NALCN: variants seen among roughly 807,000 people sequenced by gnomAD.
NALCN encodes the protein sodium leak channel, non-selective.
A neutral mutation model predicts 225.3 loss-of-function variants in NALCN; 111 were observed. That is an observed-to-expected ratio of 0.49 (90% CI 0.42 to 0.58). NALCN has a LOEUF of 0.58. NALCN is among the 20% of genes least tolerant of loss of function. The pLI, the probability that NALCN is intolerant of heterozygous loss-of-function variation, is 0.00. For synonymous variants in NALCN, 764 were observed against 769.0 expected, an observed-to-expected ratio of 0.99 and a Z score of 0.11; for missense variants, 1,378 against 2,202.4, an observed-to-expected ratio of 0.63 and a Z score of 7.49.
At chr13:101,063,191 C>A (rs1217464885) in intron 40 of NALCN, among the ~76,000 whole-genome samples, 1 of 152,218 alleles carries the variant, frequency 6.6e-6, no homozygotes, top group Non-Finnish European at 1.5e-5. Context: ...CTTCTGTGAG[C>A]TCAGTTCCAT....
chr13:101,086,838 T>C (rs912122061), intron 30 of NALCN, among the ~76,000 whole-genome samples: 3 of 152,170 alleles, frequency 2.0e-5, no homozygotes, highest in Non-Finnish European at 4.4e-5. Flanking sequence ...TAGTACATCA[T>C]TTATTCCCAA....
intron 30 of NALCN, among the ~76,000 whole-genome samples, chr13:101,087,407 T>C (rs1363445154): frequency 6.6e-6 from 1 of 151,774 alleles, no homozygotes; most frequent in Non-Finnish European, 1.5e-5. Context: ...ACCTAGTAGA[T>C]GCTCAAATAC....
rs1000276057 is a variant in NALCN at position 101,311,082 on chromosome 13, C to T, written c.800-18716G>A. Among the ~76,000 whole-genome samples the T allele has an allele frequency of 9.9e-5, 15 of 151,440 alleles. No individual in the cohort carries two copies. The East Asian group carries it at 1.4e-3, about 14-fold the overall frequency. ...CCTTGAAGAGGTCCTTCACATCCCT[C>T]GTAAGTTGGATTGCTAGGTATTTTA... On this transcript the variant is annotated intron_variant, in intron 7 of 43. Transcript: ENST00000251127.
At chr13:101,062,196 G>C in intron 40 of NALCN, 78 bp from the exon 41 acceptor site, 1 of 1,510,972 alleles carries the variant, frequency 6.6e-7, no homozygotes, top group Non-Finnish European at 9.0e-7. Flanking sequence ...AAAATCCAGA[G>C]AGGACATCAC....
chr13:101,275,092 C>T (rs1032915310), intron 10 of NALCN, among the ~76,000 whole-genome samples: 3 of 152,132 alleles, frequency 2.0e-5, no homozygotes, highest in African/African-American at 7.2e-5. Context: ...CTCTCCTGAC[C>T]TGCTGCTCCC....
intron 36 of NALCN, 110 bp downstream of exon 36, chr13:101,074,404 T>C: frequency 1.0e-6 from 1 of 980,338 alleles, no homozygotes; most frequent in Non-Finnish European, 1.4e-6. Context: ...ACTGATTACT[T>C]CCCTTTCCCC....
chr13:101,259,373 G>A (rs916715221), intron 10 of NALCN, among the ~76,000 whole-genome samples: 17 of 151,546 alleles, frequency 1.1e-4, no homozygotes, highest in Non-Finnish European at 1.6e-4. Context: ...TCGCTCTCTC[G>A]CCCAGGCTAG....
chr13:101,410,258 A>G (rs1367359881), intron 1 of NALCN, among the ~76,000 whole-genome samples: 1 of 152,210 alleles, frequency 6.6e-6, no homozygotes, highest in Non-Finnish European at 1.5e-5. Flanking sequence ...TTTTAAAAAC[A>G]TCTTCAGGTG....
chr13:101,349,094 G>A (rs935044007), intron 6 of NALCN, among the ~76,000 whole-genome samples: 2 of 152,110 alleles, frequency 1.3e-5, no homozygotes, highest in Non-Finnish European at 2.9e-5. Context: ...CCTGGACATA[G>A]ACAATGATTC....
intron 18 of NALCN, among the ~76,000 whole-genome samples, chr13:101,115,833 C>T (rs1013067389): frequency 1.1e-4 from 16 of 152,148 alleles, no homozygotes; most frequent in Non-Finnish European, 1.9e-4. Context: ...TTCCCTAGAT[C>T]TTTTCACAAT....
At chr13:101,131,452 T>TTTTAATATATCGATCAAA (rs2036514643) in intron 17 of NALCN, among the ~76,000 whole-genome samples, 1 of 152,198 alleles carries the variant, frequency 6.6e-6, no homozygotes, top group Non-Finnish European at 1.5e-5. Flanking sequence ...TCTTCTGTTG[T>TTTTAATATATCGATCAAA]TTTAATATAT....
chr13:101,279,832 AAATAAAATAAAT>A (rs1283274302), intron 10 of NALCN, among the ~76,000 whole-genome samples: 86 of 48,188 alleles, frequency 1.8e-3, no homozygotes, highest in Middle Eastern at 8.9e-3. Flanking sequence ...ATAAATAAAT[AAATAAAATAAAT>A]AAATAAATAA....
chr13:101,208,161 A>C (rs1014256997), intron 13 of NALCN, among the ~76,000 whole-genome samples: 1 of 152,156 alleles, frequency 6.6e-6, no homozygotes, highest in Non-Finnish European at 1.5e-5. Flanking sequence ...CTGCAGCTTC[A>C]CTCCTGAAGC....
At chr13:101,099,636 C>A (rs956319643) in intron 27 of NALCN, among the ~76,000 whole-genome samples, 7 of 152,256 alleles carry the variant, frequency 4.6e-5, no homozygotes, top group African/African-American at 1.4e-4. Flanking sequence ...TATGATATTA[C>A]AAAAATTGTC....
intron 13 of NALCN, among the ~76,000 whole-genome samples, chr13:101,217,761 A>C (rs1000885186): frequency 6.6e-6 from 1 of 152,188 alleles, no homozygotes; most frequent in African/African-American, 2.4e-5. Context: ...CAGGGAGAGC[A>C]GGAATCCATA....
intron 13 of NALCN, among the ~76,000 whole-genome samples, chr13:101,214,665 G>A (rs1014564955): frequency 6.6e-6 from 1 of 152,088 alleles, no homozygotes; most frequent in African/African-American, 2.4e-5. Flanking sequence ...CTTGAATCAA[G>A]AAAAGTCAGT....
At chr13:101,196,607 C>T (rs146443772) in intron 13 of NALCN, among the ~76,000 whole-genome samples, 1 of 152,230 alleles carries the variant, frequency 6.6e-6, no homozygotes, top group East Asian at 1.9e-4. Context: ...CTGTGTTTTA[C>T]TGTTTCAGTA....
chr13:101,147,322 G>C (rs1032101139), intron 15 of NALCN, among the ~76,000 whole-genome samples: 2 of 150,304 alleles, frequency 1.3e-5, no homozygotes, highest in African/African-American at 4.9e-5. Flanking sequence ...CTTTTCAATG[G>C]CATTCCACTG....
rs562801340 is a variant in NALCN at position 101,275,461 on chromosome 13, T to C, written c.1134+8472A>G. Among the ~76,000 whole-genome samples the C allele has an allele frequency of 2.1e-3, 318 of 152,278 alleles. 2 individuals are homozygous for C. Among genetic ancestry groups the C allele is most frequent in the African/African-American group, 6.8e-3 (283 of 41,552 alleles). On this transcript the variant is annotated intron_variant, in intron 10 of 43. Coordinates refer to ENST00000251127, the MANE Select transcript of NALCN (RefSeq NM_052867.4). ...TCTTTACTAAGTCATAAATACTCAATAATTCTCTCAAACCCAGGAAAACTG... is the reference window on the plus strand; with the variant it reads ...TCTTTACTAAGTCATAAATACTCAACAATTCTCTCAAACCCAGGAAAACTG...
Sources: allele counts gnomAD v4.1 joint callset (sites outside exome capture counted in the v4.1 genomes callset), GRCh38; gene constraint gnomAD v4.1.1; transcripts MANE v1.5; gene names NCBI Gene and HGNC (gene_info 2026-07-23, HGNC 2026-07-21).